MAN2A1: variants seen among roughly 807,000 people sequenced by gnomAD.
MAN2A1 encodes the protein mannosidase alpha class 2A member 1, also known as alpha-mannosidase 2.
MAN2A1 carries 76 observed loss-of-function variants against 142.6 expected under a neutral mutation model. That is an observed-to-expected ratio of 0.53 (90% CI 0.44 to 0.65). The LOEUF (loss-of-function observed/expected upper bound fraction) is 0.65, where lower values mean the gene tolerates loss of function less well. MAN2A1 is among the 30% of genes least tolerant of loss of function. MAN2A1 has a pLI of 0.00. For synonymous variants in MAN2A1, 559 were observed against 473.2 expected (o/e 1.18, Z -2.35); for missense variants, 1,311 against 1,365.1 (o/e 0.96, Z 0.62).
chr5:109,866,692 C>T (rs1755891961), intron 21 of MAN2A1, among the ~76,000 whole-genome samples, 154 bp from the exon 22 acceptor site: 1 of 151,936 alleles, frequency 6.6e-6, no homozygotes, highest in Non-Finnish European at 1.5e-5. Flanking sequence ...TATTTAATAA[C>T]ATATATGTAT....
In MAN2A1 at chr5:109,727,348, T is replaced by C. The variant is rs181699695; in HGVS notation, c.536-1994T>C. Among the ~76,000 whole-genome samples, 63 of 152,234 alleles carry C rather than the reference T, an allele frequency of 4.1e-4. 1 individual carries two copies. The highest frequency in any genetic ancestry group is 6.8e-3 in the Middle Eastern group (2 of 294). On this transcript the variant is annotated intron_variant, in intron 3 of 21. Coordinates refer to ENST00000261483, the MANE Select transcript of MAN2A1 (RefSeq NM_002372.4). ...TCCTTGTGTCTTTGCATGGTCTTCC[T>C]TGTGTATCTGTGTTCTAATCTCCTT...
chr5:109,774,085 A>G (rs1054010050), intron 7 of MAN2A1, among the ~76,000 whole-genome samples: 1 of 152,182 alleles, frequency 6.6e-6, no homozygotes, highest in Admixed American at 6.5e-5. Flanking sequence ...CTATTCCATC[A>G]AGCTATTGGT....
chr5:109,832,353 G>C (rs1222653094), intron 16 of MAN2A1, among the ~76,000 whole-genome samples: 1 of 151,772 alleles, frequency 6.6e-6, no homozygotes, highest in East Asian at 1.9e-4. Flanking sequence ...CTGGGTACTT[G>C]AGATTAGGGA....
intron 12 of MAN2A1, among the ~76,000 whole-genome samples, chr5:109,815,469 A>G (rs927175934): frequency 3.3e-5 from 5 of 152,224 alleles, no homozygotes; most frequent in African/African-American, 9.6e-5. Context: ...CTCAGTGAAC[A>G]TAAGTAATAC....
At chr5:109,730,071 T>C (rs1218135733) in intron 4 of MAN2A1, among the ~76,000 whole-genome samples, 1 of 152,164 alleles carries the variant, frequency 6.6e-6, no homozygotes, top group Non-Finnish European at 1.5e-5. Flanking sequence ...TTTAAAAGTT[T>C]TTTTTAAGTA....
At chr5:109,788,351 T>C (rs1236368624) in intron 10 of MAN2A1, among the ~76,000 whole-genome samples, 1 of 144,408 alleles carries the variant, frequency 6.9e-6, no homozygotes, top group Non-Finnish European at 1.5e-5. Context: ...AATTTGAATA[T>C]AGTTAGTAAT....
chr5:109,811,872 T>C (rs1754329200), intron 12 of MAN2A1, among the ~76,000 whole-genome samples: 2 of 152,194 alleles, frequency 1.3e-5, no homozygotes, highest in Admixed American at 1.3e-4. Flanking sequence ...ATGTGTATTC[T>C]CACCACTACC....
At chr5:109,826,466 A>C (rs1306482260) in intron 16 of MAN2A1, among the ~76,000 whole-genome samples, 2 of 152,076 alleles carry the variant, frequency 1.3e-5, no homozygotes, top group Non-Finnish European at 2.9e-5. Flanking sequence ...TAGGAAATAG[A>C]GATACCAGAA....
intron 18 of MAN2A1, among the ~76,000 whole-genome samples, chr5:109,847,121 T>G (rs188837973): frequency 7.9e-5 from 12 of 152,312 alleles, no homozygotes; most frequent in African/African-American, 2.4e-4. Context: ...AAAACATCTT[T>G]GTGCCGTACA....
chr5:109,827,533 G>T (rs1561532309), intron 16 of MAN2A1, among the ~76,000 whole-genome samples: 1 of 152,262 alleles, frequency 6.6e-6, no homozygotes, highest in East Asian at 1.9e-4. Context: ...TTGAAACAGA[G>T]TTGAGAGGCC....
At chr5:109,756,167 A>G (rs1408375990) in intron 5 of MAN2A1, among the ~76,000 whole-genome samples, 6 of 152,122 alleles carry the variant, frequency 3.9e-5, no homozygotes, top group Non-Finnish European at 1.5e-5. Flanking sequence ...ACCTAAAGGC[A>G]TGAGAATGGG....
chr5:109,810,233 T>C (rs570437780), intron 12 of MAN2A1, among the ~76,000 whole-genome samples: 1 of 152,298 alleles, frequency 6.6e-6, no homozygotes, highest in Non-Finnish European at 1.5e-5. Flanking sequence ...GTCACGTGGC[T>C]CTGTCTTTTG....
chr5:109,807,493 T>A (rs1754197120), intron 12 of MAN2A1, among the ~76,000 whole-genome samples: 1 of 152,334 alleles, frequency 6.6e-6, no homozygotes, highest in Middle Eastern at 3.4e-3. Context: ...TTCTGGCGGC[T>A]CTGAGGGGAG....
chr5:109,722,894 G>A (rs542332595), intron 3 of MAN2A1, among the ~76,000 whole-genome samples: 87 of 152,196 alleles, frequency 5.7e-4, no homozygotes, highest in Middle Eastern at 3.4e-3. Flanking sequence ...AAATAACCAA[G>A]CTCTGTTTGG....
intron 4 of MAN2A1, among the ~76,000 whole-genome samples, chr5:109,735,108 T>A (rs1382371292): frequency 6.6e-6 from 1 of 152,192 alleles, no homozygotes. Context: ...GTTGAATTGA[T>A]CCCTTTACCA....
intron 4 of MAN2A1, among the ~76,000 whole-genome samples, chr5:109,734,020 AT>A (rs1752006413): frequency 6.6e-6 from 1 of 152,170 alleles, no homozygotes; most frequent in East Asian, 1.9e-4. Context: ...TAAGCTATTG[AT>A]TATTGCCACA....
intron 12 of MAN2A1, among the ~76,000 whole-genome samples, chr5:109,798,282 C>T (rs1427915834): frequency 6.6e-6 from 1 of 152,188 alleles, no homozygotes; most frequent in Non-Finnish European, 1.5e-5. Flanking sequence ...AAAATACCAA[C>T]TTCTGGTGAG....
At chr5:109,758,836 C>T (rs1752761697) in intron 5 of MAN2A1, among the ~76,000 whole-genome samples, 1 of 151,768 alleles carries the variant, frequency 6.6e-6, no homozygotes, top group East Asian at 1.9e-4. Flanking sequence ...TCCAATGCCA[C>T]TTATTGGAAA....
chr5:109,823,266 A>C (rs1328201744), intron 15 of MAN2A1, among the ~76,000 whole-genome samples: 1 of 152,174 alleles, frequency 6.6e-6, no homozygotes, highest in African/African-American at 2.4e-5. Flanking sequence ...TGATTAAACT[A>C]TGTTTCTGAA....
Sources: allele counts gnomAD v4.1 joint callset (sites outside exome capture counted in the v4.1 genomes callset), GRCh38; gene constraint gnomAD v4.1.1; transcripts MANE v1.5; gene names NCBI Gene and HGNC (gene_info 2026-07-23, HGNC 2026-07-21).